Variants in ABHD17B observed in about 807,000 individuals in gnomAD.
ABHD17B encodes the protein abhydrolase domain containing 17B, depalmitoylase.
A neutral mutation model predicts 26.2 loss-of-function variants in ABHD17B; 9 were observed. The ratio of observed to expected loss-of-function variants is 0.34; its 90% CI spans 0.21 to 0.60. The LOEUF is 0.60. ABHD17B is among the 20% of genes least tolerant of loss of function. ABHD17B has a pLI of 0.80. For synonymous variants in ABHD17B, 127 were observed against 122.3 expected (o/e 1.04, Z -0.25); for missense variants, 224 against 352.1 (o/e 0.64, Z 2.91).
At position 71,874,976 on chromosome 9, in the gene ABHD17B, G is replaced by A. The variant is rs563299236; in HGVS notation, c.105C>T (p.Tyr35=). 6.2e-7 allele frequency: 1 copy of A among 1,614,204 alleles called. No homozygotes were observed. The highest frequency in any genetic ancestry group is 1.1e-5 in the South Asian group (1 of 91,082). Residue 35 remains tyrosine (Y), a synonymous_variant, in exon 2 of 4, where the codon TAC becomes TAT. Coordinates refer to ENST00000333421, the MANE Select transcript of ABHD17B (RefSeq NM_001025780.3). ...TTCCGCTTTCATCACACATCAGTGT[G>A]TAAGTTGGATCAGGTGGCAAAAACG... The part of the protein sequence containing the change: ...KLAFLPPDPT[Y]TLMCDESGSR...
Position 71,900,103 on chromosome 9 carries a change from C to T in ABHD17B, c.-4+10531G>A, listed in dbSNP as rs1006382487. Among the ~76,000 whole-genome samples the T allele has an allele frequency of 2.0e-5, 3 of 152,154 alleles. No homozygotes were observed. In the South Asian group the frequency reaches 6.2e-4, roughly 31 times the overall value. On this transcript the variant is annotated intron_variant, in intron 1 of 3. Coordinates refer to ENST00000333421, the MANE Select transcript of ABHD17B (RefSeq NM_001025780.3). The stretch of plus-strand genomic sequence containing the variant: ...CTTTAATTGTAAATAAGAACAAATG[C>T]AATTCTCTGAATTTATTAAGATTGC...
intron 1 of ABHD17B, 83 bp downstream of exon 1, chr9:71,910,550 GT>G: frequency 6.7e-6 from 1 of 148,774 alleles, no homozygotes; most frequent in Non-Finnish European, 1.5e-5. Context: ...GCCCGGGCTC[GT>G]CCCTCCCGCG....
chr9:71,900,195 G>T (rs775421957), intron 1 of ABHD17B, among the ~76,000 whole-genome samples: 2 of 152,138 alleles, frequency 1.3e-5, no homozygotes, highest in Non-Finnish European at 2.9e-5. Flanking sequence ...GGGTTATATA[G>T]AATAAGAAAA....
chr9:71,874,504 C>T (rs1826202707), intron 2 of ABHD17B, 110 bp downstream of exon 2: 1 of 782,570 alleles, frequency 1.3e-6, no homozygotes, highest in East Asian at 2.7e-5. Flanking sequence ...GTAAATATAA[C>T]CTCTATATAG....
intron 1 of ABHD17B, among the ~76,000 whole-genome samples, chr9:71,887,023 A>G: frequency 6.6e-6 from 1 of 152,144 alleles, no homozygotes; most frequent in East Asian, 1.9e-4. Flanking sequence ...AACAGTGCCA[A>G]TGGGTCACTT....
At chr9:71,890,947 C>T (rs1440642051) in intron 1 of ABHD17B, among the ~76,000 whole-genome samples, 1 of 152,170 alleles carries the variant, frequency 6.6e-6, no homozygotes. Flanking sequence ...CTTTTCATCA[C>T]ATACCTCTGT....
downstream of ABHD17B, among the ~76,000 whole-genome samples, chr9:71,864,063 A>G (rs12004767): frequency 0.12 from 17,706 of 152,092 alleles, 1,181 homozygotes; most frequent in Middle Eastern, 0.15. Context: ...CAGCAAGCGA[A>G]AATCTCCAGA....
chr9:71,907,712 T>C (rs1462603388), intron 1 of ABHD17B, among the ~76,000 whole-genome samples: 1 of 152,156 alleles, frequency 6.6e-6, no homozygotes, highest in Non-Finnish European at 1.5e-5. Flanking sequence ...GGTTTCTCCA[T>C]GTTGGTCAGG....
chr9:71,885,035 G>A (rs1826564167), intron 1 of ABHD17B, among the ~76,000 whole-genome samples: 1 of 152,044 alleles, frequency 6.6e-6, no homozygotes, highest in East Asian at 1.9e-4. Flanking sequence ...ACCTAAGTGG[G>A]GGCAGGTGGA....
chr9:71,882,911 C>T (rs981474582), intron 1 of ABHD17B, among the ~76,000 whole-genome samples: 3 of 151,776 alleles, frequency 2.0e-5, no homozygotes, highest in Admixed American at 1.3e-4. Flanking sequence ...TTTGGGAGGC[C>T]GATGTGGGCA....
chr9:71,891,852 T>C lies in ABHD17B; in HGVS notation c.-3-16769A>G, dbSNP rs186888123. On this transcript the variant is annotated intron_variant, in intron 1 of 3. Coordinates refer to ENST00000333421, the MANE Select transcript of ABHD17B (RefSeq NM_001025780.3). ...GATACTTTACAAATATTCGAGAACA[T>C]AGTACAGCTTTAACTCTTGGTCCAA... Among the ~76,000 whole-genome samples the C allele has an allele frequency of 3.5e-3, 540 of 152,294 alleles. 2 individuals are homozygous for C. Among genetic ancestry groups the C allele is most frequent in the African/African-American group, 0.011 (450 of 41,564 alleles).
intron 1 of ABHD17B, among the ~76,000 whole-genome samples, chr9:71,895,489 T>C (rs1426593474): frequency 6.6e-6 from 1 of 152,220 alleles, no homozygotes; most frequent in African/African-American, 2.4e-5. Flanking sequence ...ACTCTCAAGA[T>C]TCTTCTGCCT....
chr9:71,892,926 A>G (rs149413845), intron 1 of ABHD17B, among the ~76,000 whole-genome samples: 2 of 152,302 alleles, frequency 1.3e-5, no homozygotes, highest in East Asian at 1.9e-4. Context: ...TATACCCACT[A>G]AACAATAACA....
intron 1 of ABHD17B, among the ~76,000 whole-genome samples, chr9:71,880,978 T>C (rs1826425390): frequency 6.6e-6 from 1 of 151,980 alleles, no homozygotes; most frequent in South Asian, 2.1e-4. Context: ...CCTCCACTTA[T>C]AATCAAGAAA....
At chr9:71,894,077 G>A (rs1420935462) in intron 1 of ABHD17B, among the ~76,000 whole-genome samples, 4 of 95,312 alleles carry the variant, frequency 4.2e-5, no homozygotes, top group Non-Finnish European at 7.1e-5. Flanking sequence ...GACAGAGCGA[G>A]ACTCTATCTC....
intron 1 of ABHD17B, among the ~76,000 whole-genome samples, chr9:71,894,040 A>G (rs1417698369): frequency 7.4e-6 from 1 of 134,278 alleles, no homozygotes; most frequent in Non-Finnish European, 1.5e-5. Flanking sequence ...GCGAGCTGAG[A>G]TCGCACCACT....
At chr9:71,876,078 T>C (rs1217344181) in intron 1 of ABHD17B, among the ~76,000 whole-genome samples, 1 of 152,204 alleles carries the variant, frequency 6.6e-6, no homozygotes, top group Non-Finnish European at 1.5e-5. Context: ...AGTGTATGTA[T>C]GTATGCATGC....
chr9:71,870,613 T>C (rs1826082067), intron 2 of ABHD17B, among the ~76,000 whole-genome samples: 1 of 152,222 alleles, frequency 6.6e-6, no homozygotes, highest in Admixed American at 6.5e-5. Context: ...TGAACTGATG[T>C]TGAATGAATA....
intron 1 of ABHD17B, among the ~76,000 whole-genome samples, chr9:71,881,211 T>C (rs954358977): frequency 3.3e-5 from 5 of 152,198 alleles, no homozygotes; most frequent in African/African-American, 9.7e-5. Flanking sequence ...AGTTGATTTT[T>C]GACAAGAGTG....
Sources: gnomAD v4.1 joint callset for allele counts (sites outside exome capture counted in the v4.1 genomes callset) on GRCh38, gnomAD v4.1.1 for gene constraint, MANE v1.5 for transcripts, NCBI Gene and HGNC (gene_info 2026-07-23, HGNC 2026-07-21) for gene names.